The following KCNJ6 variants were observed in gnomAD, a reference collection of about 807,000 sequenced individuals.
KCNJ6 encodes G protein-activated inward rectifier potassium channel 2.
Under a neutral mutation model 34.2 loss-of-function variants are expected in KCNJ6, and 9 were observed. The ratio of observed to expected loss-of-function variants is 0.26; its 90% confidence interval spans 0.16 to 0.46. The LOEUF is 0.46. KCNJ6 is among the 20% of genes least tolerant of loss of function. The probability of loss-of-function intolerance (pLI) is 1.00; values close to 1 mark genes in which losing one functional copy is unlikely to be tolerated. For synonymous variants in KCNJ6, 196 were observed against 207.1 expected, an observed-to-expected ratio of 0.95 and a Z score of 0.46; for missense variants, 236 against 531.3, an observed-to-expected ratio of 0.44 and a Z score of 5.46.
intron 2 of KCNJ6, among the ~76,000 whole-genome samples, chr21:37,822,437 T>C (rs1213355402): frequency 6.6e-6 from 1 of 152,080 alleles, no homozygotes; most frequent in East Asian, 1.9e-4. Flanking sequence ...AGGACAGCTC[T>C]GGGGCTCCTA....
intron 1 of KCNJ6, among the ~76,000 whole-genome samples, chr21:37,864,501 A>C (rs1242325316): frequency 1.3e-5 from 2 of 152,158 alleles, no homozygotes; most frequent in Non-Finnish European, 2.9e-5. Context: ...ACACCGCAAA[A>C]ACAAGTCAGG....
rs767207731 is a variant in KCNJ6 at position 37,621,977 on chromosome 21, G to A, written c.*3182C>T. 2.0e-5 allele frequency: 3 copies of A among 152,194 alleles called. No homozygotes were observed. Among genetic ancestry groups the A allele is most frequent in the South Asian group, 2.1e-4 (1 of 4,834 alleles). The allele number at this position is 152,194 out of a possible 1,614,324, so 9.4% of individuals were successfully genotyped here. ...GGGTGCTCTTCCAGTTGGAGAGCAC[G>A]TTGGGGTGGGTGGAGGTGAGAATCC... On this transcript the variant is annotated 3_prime_UTR_variant, in exon 4 of 4. Transcript: ENST00000609713.
At chr21:37,851,776 CA>C (rs1422639621) in intron 1 of KCNJ6, among the ~76,000 whole-genome samples, 1 of 150,852 alleles carries the variant, frequency 6.6e-6, no homozygotes, top group Non-Finnish European at 1.5e-5. Context: ...CTAAGCACAA[CA>C]AAAAAATCCT....
At chr21:37,662,562 A>G (rs1043279335) in intron 3 of KCNJ6, among the ~76,000 whole-genome samples, 3 of 152,232 alleles carry the variant, frequency 2.0e-5, no homozygotes, top group African/African-American at 7.2e-5. Context: ...TAGTGCTGCA[A>G]TGAACATATG....
chr21:37,890,352 C>T lies in KCNJ6; in HGVS notation c.-28+25532G>A, dbSNP rs111286758. On this transcript the variant is annotated intron_variant, in intron 1 of 3. Transcript: ENST00000609713. ...ATGATTCAATTACTTCCCACCAGGT[C>T]CCTCCCATGACTAGTGGGGATTACG... 7.5e-3 allele frequency among the ~76,000 whole-genome samples: 1,147 copies of T among 152,298 alleles called. 15 individuals are homozygous for T. The highest frequency in any genetic ancestry group is 0.024 in the African/African-American group (1,015 of 41,548).
chr21:37,676,269 T>A (rs1050916630), intron 3 of KCNJ6, among the ~76,000 whole-genome samples: 6 of 152,138 alleles, frequency 3.9e-5, no homozygotes, highest in Non-Finnish European at 8.8e-5. Flanking sequence ...CAGGAGGTGG[T>A]CCTGGCATGG....
At chr21:37,745,110 T>G (rs2054961383) in intron 2 of KCNJ6, among the ~76,000 whole-genome samples, 1 of 74,590 alleles carries the variant, frequency 1.3e-5, no homozygotes, top group African/African-American at 5.4e-5. Context: ...TTTTTTTTTT[T>G]GACAGACAGG....
intron 2 of KCNJ6, among the ~76,000 whole-genome samples, chr21:37,762,521 A>C (rs1341028894): frequency 6.6e-6 from 1 of 152,204 alleles, no homozygotes; most frequent in African/African-American, 2.4e-5. Flanking sequence ...CTGCCTGCCA[A>C]GTTTGCTGGA....
intron 1 of KCNJ6, among the ~76,000 whole-genome samples, chr21:37,866,492 C>T (rs1030726550): frequency 6.6e-6 from 1 of 152,214 alleles, no homozygotes; most frequent in African/African-American, 2.4e-5. Flanking sequence ...GGAGCCCGAC[C>T]TTTCACATAC....
At chr21:37,628,422 C>A (rs925022780) in intron 3 of KCNJ6, among the ~76,000 whole-genome samples, 1 of 152,082 alleles carries the variant, frequency 6.6e-6, no homozygotes, top group African/African-American at 2.4e-5. Context: ...ACTACAGGAA[C>A]TTAACAGATT....
At chr21:37,678,592 G>A (rs1297719591) in intron 3 of KCNJ6, among the ~76,000 whole-genome samples, 1 of 152,214 alleles carries the variant, frequency 6.6e-6, no homozygotes, top group African/African-American at 2.4e-5. Flanking sequence ...TACCTGCACT[G>A]AGCAATAACC....
At chr21:37,862,480 G>A (rs567462276) in intron 1 of KCNJ6, among the ~76,000 whole-genome samples, 70 of 152,344 alleles carry the variant, frequency 4.6e-4, no homozygotes, top group Middle Eastern at 3.4e-3. Context: ...GCTTTGTTAA[G>A]TAGCTCAAAC....
Position 37,617,136 on chromosome 21 carries a change from T to TTTCCTTCCTTCC in KCNJ6, c.*8011_*8022dup, listed in dbSNP as rs60006502. On this transcript the variant is annotated 3_prime_UTR_variant, in exon 4 of 4. Transcript: ENST00000609713. ...TCCTTCTTCCTTCCTTCCTTCTTTC[T>TTTCCTTCCTTCC]TTCCTTCCTTCCTTCCTTCTTTCTT... 8.0e-6 allele frequency: 1 copy of TTTCCTTCCTTCC among 125,636 alleles called. No individual in the cohort carries two copies. The highest frequency in any genetic ancestry group is 3.2e-5 in the African/African-American group (1 of 31,412). The allele number at this position is 125,636 out of a possible 1,614,324, so 7.8% of individuals were successfully genotyped here. A position where few individuals can be genotyped will look rare whatever the true frequency, so the allele number is the denominator to read the frequency against.
chr21:37,774,980 T>C (rs924622169), intron 2 of KCNJ6, among the ~76,000 whole-genome samples: 4 of 152,228 alleles, frequency 2.6e-5, no homozygotes, highest in Non-Finnish European at 5.9e-5. Flanking sequence ...TGTAAAAGTG[T>C]TCCTATTTCT....
In KCNJ6 at chr21:37,833,551, G is replaced by T. The variant is rs148020658; in HGVS notation, c.25+7107C>A. Among the ~76,000 whole-genome samples, 206 of 152,286 alleles carry T rather than the reference G, an allele frequency of 1.4e-3. No homozygotes were observed. The Middle Eastern group carries it at 0.014, about 10-fold the overall frequency. ...TGTGCTCTTCCCCACCATGGCCATG[G>T]ATGTGAAAACGCAGGTGGAGATGCA... is the stretch of plus-strand genomic sequence containing the variant. On this transcript the variant is annotated intron_variant, in intron 2 of 3. Transcript: ENST00000609713.
At position 37,611,691 on chromosome 21, in the gene KCNJ6, A is replaced by G. The variant is rs2054243135; in HGVS notation, c.*13468T>C. ...TATATAAGGCTGGTTCAACATTCAA[A>G]GATCAACTAATGTAATGAATATCAA... On this transcript the variant is annotated 3_prime_UTR_variant, in exon 4 of 4. Transcript: ENST00000609713. The G allele has an allele frequency of 6.6e-6, 1 of 152,226 alleles. No individual in the cohort carries two copies. Among genetic ancestry groups the G allele is most frequent in the Non-Finnish European group, 1.5e-5 (1 of 68,026 alleles). The allele number at this position is 152,226 out of a possible 1,614,324, so 9.4% of individuals were successfully genotyped here. A position where few individuals can be genotyped will look rare whatever the true frequency, so the allele number is the denominator to read the frequency against.
intron 2 of KCNJ6, among the ~76,000 whole-genome samples, chr21:37,740,064 A>T (rs1404955272): frequency 6.6e-6 from 1 of 152,114 alleles, no homozygotes; most frequent in Non-Finnish European, 1.5e-5. Flanking sequence ...GCTCACTGGG[A>T]CTATTTTAAA....
At chr21:37,885,918 T>C (rs1480839994) in intron 1 of KCNJ6, among the ~76,000 whole-genome samples, 1 of 152,156 alleles carries the variant, frequency 6.6e-6, no homozygotes, top group African/African-American at 2.4e-5. Flanking sequence ...CCCTCCAAAC[T>C]TGCCTTTCTC....
chr21:37,898,587 G>GAA (rs112946268), intron 1 of KCNJ6, among the ~76,000 whole-genome samples: 6 of 89,084 alleles, frequency 6.7e-5, no homozygotes, highest in Admixed American at 3.7e-4. Flanking sequence ...CATCTCAAAA[G>GAA]AAAAAAAAAA....
Sources: gnomAD v4.1 joint callset for allele counts (sites outside exome capture counted in the v4.1 genomes callset) on GRCh38, gnomAD v4.1.1 for gene constraint, MANE v1.5 for transcripts, NCBI Gene and HGNC (gene_info 2026-07-23, HGNC 2026-07-21) for gene names.